ACAN: variants seen among roughly 807,000 people sequenced by gnomAD.
ACAN encodes the protein aggrecan.
Under a neutral mutation model 169.1 loss-of-function variants are expected in ACAN, and 47 were observed. That is an observed-to-expected ratio of 0.28 (90% CI 0.22 to 0.35). ACAN has a LOEUF of 0.35. Among genes scored for constraint, ACAN ranks in the 10% least tolerant of loss-of-function variants. The pLI, the probability that ACAN is intolerant of heterozygous loss-of-function variation, is 1.00. For synonymous variants in ACAN, 1,115 were observed against 1,112.2 expected, an observed-to-expected ratio of 1.00 and a Z score of -0.05; for missense variants, 2,716 against 2,759.9, an observed-to-expected ratio of 0.98 and a Z score of 0.36.
intron 1 of ACAN, among the ~76,000 whole-genome samples, chr15:88,818,458 A>G (rs1450143476): frequency 1.3e-5 from 2 of 152,224 alleles, no homozygotes; most frequent in Non-Finnish European, 2.9e-5. Context: ...AGTGAGCCAG[A>G]GACAAGAGAC....
In ACAN at chr15:88,841,862, T is replaced by C. The variant is rs528232598; in HGVS notation, c.752T>C (p.Met251Thr). The C allele has an allele frequency of 7.4e-6, 12 of 1,612,054 alleles. No individual in the cohort carries two copies. The East Asian group carries it at 2.5e-4, about 33-fold the overall frequency. ...TYDVYCFAEE[M>T]EGEVFYATSP... is the part of the protein sequence containing the mutation. ...GATGTGTACTGCTTCGCCGAGGAGATGGAGGGTGAGCTGCCCTGCCCACCA... is the reference window on the plus strand; with the variant it reads ...GATGTGTACTGCTTCGCCGAGGAGACGGAGGGTGAGCTGCCCTGCCCACCA... The change falls in exon 5 of 19, where the codon ATG becomes ACG. Residue 251 changes from methionine (M) to threonine (T), a missense_variant. Met to Thr is a moderately conservative substitution (Grantham distance 81, BLOSUM62 -1). This residue lies in a region of ACAN where 1,283 missense variants were observed against 1,281.5 expected (regional missense o/e 1.00). Transcript: ENST00000560601.
chr15:88,872,866 C>A lies in ACAN; in HGVS notation c.7303-15C>A. On this transcript the variant is annotated splice_polypyrimidine_tract_variant and intron_variant, in intron 16 of 18. Coordinates refer to ENST00000560601, the MANE Select transcript of ACAN (RefSeq NM_001369268.1). This position sits in a 1 kb window ranked among gnomAD's most constrained non-coding sequence, Gnocchi z 5.4. ...TCCTGCCCTCTCCTTACTCCTTCCCCACTCCCACCCACAGCAATTTGAGAA... is the reference window on the plus strand; with the variant it reads ...TCCTGCCCTCTCCTTACTCCTTCCCAACTCCCACCCACAGCAATTTGAGAA... 6.2e-7 allele frequency: 1 copy of A among 1,612,940 alleles called. No individual in the cohort carries two copies. Among genetic ancestry groups the A allele is most frequent in the South Asian group, 1.1e-5 (1 of 91,002 alleles).
intron 10 of ACAN, chr15:88,850,127 T>C: frequency 2.0e-6 from 1 of 511,062 alleles, no homozygotes; most frequent in Non-Finnish European, 3.4e-6. Flanking sequence ...ACACAGTAAA[T>C]GCTCAATAAA....
At chr15:88,808,872 G>A (rs62023480) in intron 1 of ACAN, among the ~76,000 whole-genome samples, 19 of 151,778 alleles carry the variant, frequency 1.3e-4, no homozygotes, top group African/African-American at 4.1e-4. Context: ...GGTAGGCAGT[G>A]CAGAGGGGAC....
chr15:88,809,417 A>G (rs1895764675), intron 1 of ACAN, among the ~76,000 whole-genome samples: 1 of 152,150 alleles, frequency 6.6e-6, no homozygotes, highest in South Asian at 2.1e-4. Context: ...GCCTGCCCTC[A>G]TGGGCCAAGA....
Position 88,868,366 on chromosome 15 carries a change from G to C in ACAN, c.7060+37G>C. 1.4e-6 allele frequency: 1 copy of C among 697,804 alleles called. No homozygotes were observed. Among genetic ancestry groups the C allele is most frequent in the South Asian group, 1.5e-5 (1 of 66,878 alleles). 43.2% of individuals were successfully genotyped at this position (697,804 alleles called of 1,614,324 possible). ...TTGGCTTCAGCTAATGTTACTAACT[G>C]CTGCACCCCCTCCTCCTCCCTCACC... On this transcript the variant is annotated intron_variant, in intron 14 of 18. Coordinates refer to ENST00000560601, the MANE Select transcript of ACAN (RefSeq NM_001369268.1). The surrounding 1 kb of genome is among the most constrained non-coding windows in gnomAD (Gnocchi z 5.2).
intron 11 of ACAN, among the ~76,000 whole-genome samples, chr15:88,853,845 CTT>C (rs56384350): frequency 7.0e-6 from 1 of 143,752 alleles, no homozygotes; most frequent in Non-Finnish European, 1.5e-5. Flanking sequence ...GCCCAGCTAA[CTT>C]TTTTTTTTTT....
chr15:88,824,862 A>G (rs1896171847), intron 1 of ACAN, among the ~76,000 whole-genome samples: 1 of 151,616 alleles, frequency 6.6e-6, no homozygotes, highest in East Asian at 1.9e-4. Flanking sequence ...ACTGCACTCT[A>G]GACTGGCTGA....
intron 1 of ACAN, among the ~76,000 whole-genome samples, chr15:88,821,353 C>G (rs1896071527): frequency 6.6e-6 from 1 of 152,022 alleles, no homozygotes; most frequent in Non-Finnish European, 1.5e-5. Flanking sequence ...GGTGGTCTCC[C>G]TAAGTTGTCG....
At chr15:88,828,551 T>C (rs1896282572) in intron 1 of ACAN, among the ~76,000 whole-genome samples, 1 of 152,146 alleles carries the variant, frequency 6.6e-6, no homozygotes, top group Non-Finnish European at 1.5e-5. Context: ...TCTTTCTGAA[T>C]AGGCTGGACC....
intron 1 of ACAN, among the ~76,000 whole-genome samples, chr15:88,815,561 G>GAAAAAAAAAAAAAAAAAAA (rs11291752): frequency 9.9e-6 from 1 of 100,512 alleles, no homozygotes; most frequent in Non-Finnish European, 2.1e-5. Flanking sequence ...TCCAACTCAA[G>GAAAAAAAAAAAAAAAAAAA]AAAAAAAAAA....
intron 1 of ACAN, among the ~76,000 whole-genome samples, chr15:88,821,537 C>T (rs994358354): frequency 1.3e-5 from 2 of 152,196 alleles, no homozygotes; most frequent in African/African-American, 4.8e-5. Flanking sequence ...CTGTCAGCAC[C>T]TGCTACAGAG....
At chr15:88,837,440 A>G (rs188594838) in intron 2 of ACAN, among the ~76,000 whole-genome samples, 1 of 152,340 alleles carries the variant, frequency 6.6e-6, no homozygotes, top group East Asian at 1.9e-4. Context: ...CTGATTTACA[A>G]CTTTTGCATC....
chr15:88,863,126 G>C (rs1454775822), intron 13 of ACAN, among the ~76,000 whole-genome samples: 4 of 151,968 alleles, frequency 2.6e-5, no homozygotes, highest in Non-Finnish European at 5.9e-5. Flanking sequence ...CTGGTCAAGG[G>C]GGTCAGAAGC....
chr15:88,805,634 G>A (rs1327883061), intron 1 of ACAN, among the ~76,000 whole-genome samples: 1 of 152,172 alleles, frequency 6.6e-6, no homozygotes, highest in Non-Finnish European at 1.5e-5. Flanking sequence ...TCAATAAACA[G>A]CAGATATGAG....
At position 88,807,651 on chromosome 15, in the gene ACAN, G is replaced by A. The variant is rs576377330; in HGVS notation, c.-8+3842G>A. On this transcript the variant is annotated intron_variant, in intron 1 of 18. Coordinates refer to ENST00000560601, the MANE Select transcript of ACAN (RefSeq NM_001369268.1). The surrounding 1 kb of genome is among the most constrained non-coding windows in gnomAD (Gnocchi z 4.0). ...AGAGGGGGAATTTGTAGAGAAAACG[G>A]TAAAACGGTTTCTTTTTTCAAAAGT... 3.3e-5 allele frequency among the ~76,000 whole-genome samples: 5 copies of A among 152,254 alleles called. No individual in the cohort carries two copies. In the East Asian group the frequency reaches 9.7e-4, roughly 29 times the overall value.
chr15:88,841,557 G>A (rs1009204679), intron 4 of ACAN, among the ~76,000 whole-genome samples, 183 bp from the exon 5 acceptor site: 6 of 152,132 alleles, frequency 3.9e-5, no homozygotes, highest in Non-Finnish European at 7.4e-5. Context: ...ATTCAGTAGT[G>A]GGGGCTGCCT....
rs929801867 is a variant in ACAN, at chr15:88,849,579, G to T, written c.1874G>T (p.Gly625Val). The T allele has an allele frequency of 1.2e-6, 2 of 1,607,444 alleles. No individual in the cohort carries two copies. Among genetic ancestry groups the T allele is most frequent in the Admixed American group, 3.4e-5 (2 of 59,012 alleles). Residue 625 changes from glycine (G) to valine (V), a missense_variant, in exon 10 of 19, where the codon GGC becomes GTC. Coordinates refer to ENST00000560601, the MANE Select transcript of ACAN (RefSeq NM_001369268.1). This position sits in a 1 kb window ranked among gnomAD's most constrained non-coding sequence, Gnocchi z 5.1. ...WSRGLDKCYA[G>V]WLADGSLRYP... ...CGCGGCCTGGACAAGTGCTATGCCG[G>T]CTGGCTGGCCGACGGCAGCCTCCGC...
chr15:88,832,842 G>C (rs1424204528), intron 1 of ACAN, among the ~76,000 whole-genome samples: 1 of 152,210 alleles, frequency 6.6e-6, no homozygotes, highest in Non-Finnish European at 1.5e-5. Context: ...TGACAACCAG[G>C]GAGGTGGGAG....
Sources: gnomAD v4.1 joint callset for allele counts (sites outside exome capture counted in the v4.1 genomes callset) on GRCh38, gnomAD v4.1.1 for gene constraint, gnomAD v4.1.1 regional missense constraint, Gnocchi (gnomAD v3.1) non-coding constraint, MANE v1.5 for transcripts, NCBI Gene and HGNC (gene_info 2026-07-23, HGNC 2026-07-21) for gene names.